Variants in HTR7 observed in about 807,000 individuals in gnomAD.
HTR7 encodes the protein 5-HT-7.
Under a neutral mutation model 34.0 loss-of-function variants are expected in HTR7, and 16 were observed. The observed-to-expected ratio is 0.47, with a 90% CI of 0.32 to 0.71. The LOEUF (loss-of-function observed/expected upper bound fraction) is 0.71. Among genes scored for constraint, HTR7 ranks in the 30% least tolerant of loss-of-function variants. HTR7 has a pLI of 0.04. For missense variants in HTR7, 504 were observed against 625.5 expected, an observed-to-expected ratio of 0.81 and a Z score of 2.07; for synonymous variants, 265 against 260.2, an observed-to-expected ratio of 1.02 and a Z score of -0.18.
chr10:90,840,735 T>G (rs1846317030), intron 1 of HTR7, among the ~76,000 whole-genome samples: 1 of 152,212 alleles, frequency 6.6e-6, no homozygotes, highest in African/African-American at 2.4e-5. Context: ...TAGCCAGGCA[T>G]GCAACAAAAG....
chr10:90,854,823 A>C (rs991932962), intron 1 of HTR7, among the ~76,000 whole-genome samples: 2 of 152,204 alleles, frequency 1.3e-5, no homozygotes, highest in Non-Finnish European at 2.9e-5. Context: ...AAGCAACAAT[A>C]TTGTAATTAA....
chr10:90,761,900 C>T (rs1844943296), intron 1 of HTR7, among the ~76,000 whole-genome samples: 1 of 152,180 alleles, frequency 6.6e-6, no homozygotes, highest in African/African-American at 2.4e-5. Context: ...CTTTCTCTAT[C>T]TGACTTATTT....
intron 1 of HTR7, among the ~76,000 whole-genome samples, chr10:90,760,306 A>G (rs1844914899): frequency 6.6e-6 from 1 of 152,200 alleles, no homozygotes; most frequent in Admixed American, 6.5e-5. Flanking sequence ...ATCTCATAGG[A>G]GTAAAAAGGA....
intron 1 of HTR7, among the ~76,000 whole-genome samples, chr10:90,775,364 G>C (rs1845190509): frequency 6.6e-6 from 1 of 152,188 alleles, no homozygotes; most frequent in Non-Finnish European, 1.5e-5. Context: ...GGCGAGTTGA[G>C]AGGTCTCTGT....
At chr10:90,786,648 A>G (rs900218945) in intron 1 of HTR7, among the ~76,000 whole-genome samples, 4 of 152,182 alleles carry the variant, frequency 2.6e-5, no homozygotes, top group African/African-American at 9.7e-5. Context: ...GTAAAATGCC[A>G]TTTTTCAGGA....
chr10:90,746,673 T>C (rs909287303), intron 2 of HTR7, among the ~76,000 whole-genome samples: 2 of 152,208 alleles, frequency 1.3e-5, no homozygotes, highest in African/African-American at 4.8e-5. Flanking sequence ...AGCCTACTTA[T>C]CAAGACTAGT....
At chr10:90,831,264 G>A (rs941988417) in intron 1 of HTR7, among the ~76,000 whole-genome samples, 7 of 152,130 alleles carry the variant, frequency 4.6e-5, no homozygotes, top group South Asian at 4.1e-4. Context: ...CAGCGTGTCC[G>A]GAGTTTGTTC....
chr10:90,757,334 A>G (rs887577296), intron 1 of HTR7, among the ~76,000 whole-genome samples: 1 of 152,234 alleles, frequency 6.6e-6, no homozygotes, highest in Non-Finnish European at 1.5e-5. Context: ...CATGAAGAGC[A>G]GAAGCCCCAC....
At chr10:90,783,698 T>C (rs1845341294) in intron 1 of HTR7, among the ~76,000 whole-genome samples, 1 of 152,374 alleles carries the variant, frequency 6.6e-6, no homozygotes, top group South Asian at 2.1e-4. Flanking sequence ...TTTAATTTCA[T>C]GTTAAAATTT....
In HTR7 at chr10:90,750,833, T is replaced by C. The variant is rs551063032; in HGVS notation, c.540-1239A>G. Reference sequence around the variant, plus strand: ...CTTACAGGAAGACAACACTGAAATATAGTAAAAAATAATGAGCCAGATGTT... The same window carrying C: ...CTTACAGGAAGACAACACTGAAATACAGTAAAAAATAATGAGCCAGATGTT... On this transcript the variant is annotated intron_variant, in intron 1 of 3. Coordinates refer to ENST00000336152, the MANE Select transcript of HTR7 (RefSeq NM_019859.4). 2.0e-5 allele frequency among the ~76,000 whole-genome samples: 3 copies of C among 152,330 alleles called. No homozygotes were observed. The South Asian group carries it at 6.2e-4, about 32-fold the overall frequency.
intron 1 of HTR7, among the ~76,000 whole-genome samples, chr10:90,753,325 A>T (rs1844772325): frequency 6.6e-6 from 1 of 152,222 alleles, no homozygotes; most frequent in African/African-American, 2.4e-5. Context: ...TGAGGCCAGG[A>T]GTTTCAGACC....
intron 1 of HTR7, among the ~76,000 whole-genome samples, chr10:90,855,547 T>C (rs1360993467): frequency 1.3e-5 from 2 of 152,276 alleles, no homozygotes; most frequent in Non-Finnish European, 2.9e-5. Flanking sequence ...ACTCCATTCA[T>C]GCAGGATGCT....
At chr10:90,839,708 C>T (rs978943360) in intron 1 of HTR7, among the ~76,000 whole-genome samples, 3 of 152,144 alleles carry the variant, frequency 2.0e-5, no homozygotes, top group Admixed American at 1.3e-4. Context: ...TAGGAGCCAT[C>T]ATTTTGCAGG....
chr10:90,824,337 A>G (rs1846035056), intron 1 of HTR7, among the ~76,000 whole-genome samples: 1 of 152,228 alleles, frequency 6.6e-6, no homozygotes, highest in African/African-American at 2.4e-5. Context: ...CCTCCTGACT[A>G]AAGAGCCTTT....
At chr10:90,852,195 T>A (rs1846510838) in intron 1 of HTR7, among the ~76,000 whole-genome samples, 1 of 100,726 alleles carries the variant, frequency 9.9e-6, no homozygotes, top group Admixed American at 1.0e-4. Flanking sequence ...TGTCTCTTTA[T>A]GTGAAGTAAA....
At chr10:90,813,066 T>G (rs1845840757) in intron 1 of HTR7, among the ~76,000 whole-genome samples, 1 of 149,440 alleles carries the variant, frequency 6.7e-6, no homozygotes. Context: ...CAACCCCCAC[T>G]CCTGCCCGCC....
chr10:90,845,052 G>T (rs1488819783), intron 1 of HTR7, among the ~76,000 whole-genome samples: 2 of 152,124 alleles, frequency 1.3e-5, no homozygotes, highest in Non-Finnish European at 2.9e-5. Context: ...AGTTGCTGGG[G>T]GTAGGGGGCT....
chr10:90,746,585 T>C (rs562663918), intron 2 of HTR7, among the ~76,000 whole-genome samples: 1 of 152,342 alleles, frequency 6.6e-6, no homozygotes, highest in South Asian at 2.1e-4. Context: ...TGCTAAAAAA[T>C]GCTGCAGCCA....
chr10:90,809,453 C>T (rs1050530432), intron 1 of HTR7, among the ~76,000 whole-genome samples: 7 of 152,182 alleles, frequency 4.6e-5, no homozygotes, highest in Admixed American at 4.6e-4. Flanking sequence ...TCTCAAAATA[C>T]ATTTTATTAC....
Sources: allele counts gnomAD v4.1 joint callset (sites outside exome capture counted in the v4.1 genomes callset), GRCh38; gene constraint gnomAD v4.1.1; transcripts MANE v1.5; gene names NCBI Gene and HGNC (gene_info 2026-07-23, HGNC 2026-07-21).